Variants in ADD2 observed in about 807,000 individuals in gnomAD.
The protein encoded by ADD2 is adducin 2.
Under a neutral mutation model 83.0 loss-of-function variants are expected in ADD2, and 23 were observed. The observed-to-expected ratio is 0.28, with a 90% confidence interval of 0.20 to 0.39. The LOEUF (loss-of-function observed/expected upper bound fraction) is 0.39, where lower values mean the gene tolerates loss of function less well. ADD2 is among the 10% of genes least tolerant of loss of function. The probability of loss-of-function intolerance (pLI) is 1.00; values close to 1 mark genes in which losing one functional copy is unlikely to be tolerated. For synonymous variants in ADD2, 375 were observed against 375.4 expected (o/e 1.00, Z 0.01); for missense variants, 758 against 944.9 (o/e 0.80, Z 2.59).
chr2:70,673,223 TC>T, intron 14 of ADD2: 1 of 1,613,552 alleles, frequency 6.2e-7, no homozygotes, highest in Non-Finnish European at 8.5e-7. Flanking sequence ...CATGTTTCCT[TC>T]ATCAAAACAC....
intron 9 of ADD2, among the ~76,000 whole-genome samples, chr2:70,684,750 G>A (rs1272355948): frequency 1.3e-5 from 2 of 152,244 alleles, no homozygotes; most frequent in Non-Finnish European, 2.9e-5. Context: ...GTGCAGGGGT[G>A]AGAGTTCCCA....
intron 4 of ADD2, among the ~76,000 whole-genome samples, chr2:70,702,453 C>T (rs1321625372): frequency 6.6e-6 from 1 of 152,214 alleles, no homozygotes; most frequent in Non-Finnish European, 1.5e-5. Flanking sequence ...AGGCATGAAC[C>T]ATTGTGCCTG....
intron 2 of ADD2, among the ~76,000 whole-genome samples, chr2:70,709,276 G>A (rs1017242610): frequency 2.6e-5 from 4 of 151,888 alleles, no homozygotes; most frequent in South Asian, 2.1e-4. Flanking sequence ...AATAGGGGAC[G>A]GAGATGAAGG....
intron 1 of ADD2, among the ~76,000 whole-genome samples, chr2:70,755,521 T>C (rs1255947453): frequency 6.6e-6 from 1 of 152,208 alleles, no homozygotes; most frequent in African/African-American, 2.4e-5. Context: ...AACTCTTGGC[T>C]CGTGGCATCC....
intron 1 of ADD2, among the ~76,000 whole-genome samples, chr2:70,750,090 G>C (rs1674432923): frequency 1.5e-5 from 2 of 131,130 alleles, no homozygotes; most frequent in South Asian, 4.9e-4. Context: ...CTCTTGAGAG[G>C]GGGGCAGAGT....
chr2:70,692,251 G>A, intron 7 of ADD2, 152 bp downstream of exon 7: 1 of 831,504 alleles, frequency 1.2e-6, no homozygotes, highest in Non-Finnish European at 1.7e-6. Context: ...TAGTCAGAAA[G>A]ATGGAGAGGC....
chr2:70,665,612 C>G (rs1166813164), intron 15 of ADD2, among the ~76,000 whole-genome samples: 1 of 152,154 alleles, frequency 6.6e-6, no homozygotes, highest in Admixed American at 6.5e-5. Context: ...TCATCCCAGC[C>G]CATTCCCCTC....
chr2:70,702,854 C>T (rs1553373679), intron 4 of ADD2, among the ~76,000 whole-genome samples: 3 of 152,228 alleles, frequency 2.0e-5, no homozygotes, highest in Non-Finnish European at 2.9e-5. Flanking sequence ...GGGGCGGGCA[C>T]GGTGGCTCAC....
chr2:70,713,202 G>A lies in ADD2; in HGVS notation c.-153-18C>T, dbSNP rs1009776298. On this transcript the variant is annotated intron_variant, in intron 1 of 15. Coordinates refer to ENST00000264436, the MANE Select transcript of ADD2 (RefSeq NM_001617.4). The stretch of plus-strand genomic sequence containing the variant: ...GGTGGAAACTGCAAAACACAAACAC[G>A]ACAAGTGTCAGGGCCTGCACCACCA... 13 of 962,290 alleles carry A rather than the reference G, an allele frequency of 1.4e-5. No individual in the cohort carries two copies. Among genetic ancestry groups the A allele is most frequent in the East Asian group, 1.1e-4 (1 of 8,702 alleles). 59.6% of individuals were successfully genotyped at this position (962,290 alleles called of 1,614,324 possible).
Position 70,663,343 on chromosome 2 carries a change from C to T in ADD2, c.*82G>A, listed in dbSNP as rs1229610001. On this transcript the variant is annotated 3_prime_UTR_variant, in exon 16 of 16. Coordinates refer to ENST00000264436, the MANE Select transcript of ADD2 (RefSeq NM_001617.4). Reference sequence around the variant, plus strand: ...AGGGTCCTACTCTATCCCTCCTTAGCCCTGTGCTTGCAGGGACAGAGATGG... The same window carrying T: ...AGGGTCCTACTCTATCCCTCCTTAGTCCTGTGCTTGCAGGGACAGAGATGG... 5 of 1,448,180 alleles carry T rather than the reference C, an allele frequency of 3.5e-6. No individual in the cohort carries two copies. The African/African-American group carries it at 7.1e-5, about 20-fold the overall frequency. The allele number at this position is 1,448,180 out of a possible 1,614,324, so 89.7% of individuals were successfully genotyped here.
Position 70,761,663 on chromosome 2 carries a change from CA to C in ADD2, c.-154+6222del, listed in dbSNP as rs533345149. ...AAATCTCTCATTATTTATGAAAGAA[CA>C]AATAGACACAACTTTTTTTTTTTTT... On this transcript the variant is annotated intron_variant, in intron 1 of 15. Coordinates refer to ENST00000264436, the MANE Select transcript of ADD2 (RefSeq NM_001617.4). Among the ~76,000 whole-genome samples the C allele has an allele frequency of 3.1e-3, 441 of 142,114 alleles. 13 individuals are homozygous for C. Among genetic ancestry groups the C allele is most frequent in the African/African-American group, 0.011 (423 of 38,154 alleles). The allele number at this position is 142,114 out of a possible 152,430, so 93.2% of individuals were successfully genotyped here.
At chr2:70,672,822 C>T in intron 15 of ADD2, 56 bp downstream of exon 15, 1 of 1,550,898 alleles carries the variant, frequency 6.4e-7, no homozygotes, top group Non-Finnish European at 8.7e-7. Flanking sequence ...AGGGCACCTT[C>T]CCAGCCTGCA....
chr2:70,758,713 T>C (rs373547239), intron 1 of ADD2, among the ~76,000 whole-genome samples: 1 of 152,140 alleles, frequency 6.6e-6, no homozygotes, highest in Admixed American at 6.5e-5. Flanking sequence ...GATGGGAGGA[T>C]TGCTTGAGCC....
At chr2:70,733,377 G>T (rs576248149) in intron 1 of ADD2, among the ~76,000 whole-genome samples, 1 of 152,206 alleles carries the variant, frequency 6.6e-6, no homozygotes, top group East Asian at 1.9e-4. Flanking sequence ...ATCAGGCCTG[G>T]TGGTTAAAGC....
At chr2:70,680,503 G>C (rs1670403278) in intron 10 of ADD2, among the ~76,000 whole-genome samples, 1 of 152,148 alleles carries the variant, frequency 6.6e-6, no homozygotes, top group Non-Finnish European at 1.5e-5. Flanking sequence ...TAGCCATTCT[G>C]AATTTCACAT....
intron 4 of ADD2, 50 bp downstream of exon 4, chr2:70,704,271 C>CCCCCCCCCCCCCCCCCCCA: frequency 7.8e-7 from 1 of 1,279,030 alleles, no homozygotes; most frequent in Non-Finnish European, 1.1e-6. Flanking sequence ...CTTCCCCACC[C>CCCCCCCCCCCCCCCCCCCA]CACCCTCCCC....
At chr2:70,696,177 GAGTTC>G (rs1671299830) in intron 5 of ADD2, 63 bp downstream of exon 5, 1 of 1,558,640 alleles carries the variant, frequency 6.4e-7, no homozygotes, top group African/African-American at 1.4e-5. Context: ...CAAGGGTCAG[GAGTTC>G]TCCCTTTGGG....
intron 1 of ADD2, among the ~76,000 whole-genome samples, chr2:70,765,404 C>A (rs1675332204): frequency 6.8e-6 from 1 of 146,408 alleles, no homozygotes; most frequent in Non-Finnish European, 1.5e-5. Flanking sequence ...TTTTTATGTT[C>A]TGGCCATATA....
Position 70,752,659 on chromosome 2 carries a change from A to T in ADD2, c.-154+15227T>A, listed in dbSNP as rs1011272036. On this transcript the variant is annotated intron_variant, in intron 1 of 15. Transcript: ENST00000264436. ...TGCAACTGGGATGATGACACAAGGA[A>T]AATGCAGAGAGAAATGGGTTTGAGT... Among the ~76,000 whole-genome samples, 16 of 152,318 alleles carry T rather than the reference A, an allele frequency of 1.1e-4. 1 individual carries two copies. Among genetic ancestry groups the T allele is most frequent in the African/African-American group, 3.6e-4 (15 of 41,566 alleles).
Sources: allele counts gnomAD v4.1 joint callset (sites outside exome capture counted in the v4.1 genomes callset), GRCh38; gene constraint gnomAD v4.1.1; transcripts MANE v1.5; gene names NCBI Gene and HGNC (gene_info 2026-07-23, HGNC 2026-07-21).